SPAG16: variants seen among roughly 807,000 people sequenced by gnomAD.
The protein encoded by SPAG16 is sperm-associated antigen 16 protein.
Under a neutral mutation model 80.4 loss-of-function variants are expected in SPAG16, and 86 were observed. That is an observed-to-expected ratio of 1.07 (90% CI 0.90 to 1.28). The LOEUF (loss-of-function observed/expected upper bound fraction) is 1.28. Among genes scored for constraint, SPAG16 ranks in the 50% most tolerant of loss-of-function variants. SPAG16 has a pLI of 0.00. For synonymous variants in SPAG16, 294 were observed against 265.9 expected (o/e 1.11, Z -1.03); for missense variants, 870 against 765.3 (o/e 1.14, Z -1.61).
intron 9 of SPAG16, among the ~76,000 whole-genome samples, chr2:213,376,691 A>G (rs1054118489): frequency 1.3e-5 from 2 of 152,088 alleles, no homozygotes; most frequent in African/African-American, 4.8e-5. Flanking sequence ...TTTGAATTAT[A>G]TTATTATGTA....
chr2:214,240,620 T>C (rs1263875981), intron 15 of SPAG16: 2 of 152,206 alleles, frequency 1.3e-5, no homozygotes, highest in Admixed American at 1.3e-4. Context: ...CTATAAATTC[T>C]CTAAAGATTC....
At chr2:213,864,043 T>C (rs2075588844) in intron 11 of SPAG16, among the ~76,000 whole-genome samples, 1 of 152,116 alleles carries the variant, frequency 6.6e-6, no homozygotes, top group Non-Finnish European at 1.5e-5. Flanking sequence ...TAGCAAATGT[T>C]CTTTTTGTAG....
intron 14 of SPAG16, among the ~76,000 whole-genome samples, chr2:214,139,552 T>C (rs1451058182): frequency 6.6e-6 from 1 of 152,156 alleles, no homozygotes; most frequent in Non-Finnish European, 1.5e-5. Flanking sequence ...TTAATTCTAA[T>C]ATATTTATTT....
intron 13 of SPAG16, among the ~76,000 whole-genome samples, chr2:214,030,635 C>A (rs961913041): frequency 1.3e-5 from 2 of 152,152 alleles, no homozygotes; most frequent in African/African-American, 2.4e-5. Context: ...TAATTTAAGT[C>A]TATGAGTCTT....
intron 10 of SPAG16, among the ~76,000 whole-genome samples, chr2:213,678,032 G>A (rs2064182564): frequency 6.6e-6 from 1 of 151,918 alleles, no homozygotes; most frequent in South Asian, 2.1e-4. Flanking sequence ...GGTACATAAC[G>A]AAATGAAGGC....
chr2:214,113,514 C>T lies in SPAG16; in HGVS notation c.1593+5253C>T, dbSNP rs113050489. ...TCCCATATTGTTTGGAGACTTTGTT[C>T]GTTTCTTTTTAACTCTTTTTTCTCT... is the stretch of plus-strand genomic sequence containing the variant. On this transcript the variant is annotated intron_variant, in intron 14 of 15. Coordinates refer to ENST00000331683, the MANE Select transcript of SPAG16 (RefSeq NM_024532.5). Among the ~76,000 whole-genome samples, 241 of 152,180 alleles carry T rather than the reference C, an allele frequency of 1.6e-3. 1 individual carries two copies. The highest frequency in any genetic ancestry group is 5.4e-3 in the African/African-American group (223 of 41,536).
At chr2:213,434,827 A>G (rs1367026863) in intron 9 of SPAG16, among the ~76,000 whole-genome samples, 3 of 152,306 alleles carry the variant, frequency 2.0e-5, no homozygotes, top group South Asian at 2.1e-4. Flanking sequence ...GAGGATGCAG[A>G]GAATAGTGAA....
chr2:213,775,691 A>G (rs1188478885), intron 10 of SPAG16, among the ~76,000 whole-genome samples: 1 of 152,140 alleles, frequency 6.6e-6, no homozygotes, highest in East Asian at 1.9e-4. Context: ...GAGTTTGGCT[A>G]TTTTAGATTC....
chr2:213,844,334 C>G (rs1159865898), intron 10 of SPAG16, among the ~76,000 whole-genome samples: 1 of 152,006 alleles, frequency 6.6e-6, no homozygotes, highest in African/African-American at 2.4e-5. Context: ...AGAAAAGTTA[C>G]TGGGAAAATA....
rs57377846 is a variant in SPAG16, at chr2:213,342,343, CAT to C, written c.644+2078_644+2079del. Among the ~76,000 whole-genome samples the C allele has an allele frequency of 3.9e-3, 462 of 117,908 alleles. 3 individuals are homozygous for C. Among genetic ancestry groups the C allele is most frequent in the Non-Finnish European group, 5.9e-3 (348 of 58,530 alleles). 77.4% of individuals were successfully genotyped at this position (117,908 alleles called of 152,430 possible). ...TACATATATGTGTATATATATATTA[CAT>C]ATATGTATATATATATTACATATAT... is the stretch of plus-strand genomic sequence containing the variant. On this transcript the variant is annotated intron_variant, in intron 6 of 15. Transcript: ENST00000331683.
At chr2:213,314,634 T>A (rs1045563928) in intron 4 of SPAG16, among the ~76,000 whole-genome samples, 30 of 151,942 alleles carry the variant, frequency 2.0e-4, no homozygotes, top group African/African-American at 7.2e-4. Context: ...GTAATAAATG[T>A]TGTATTTGGA....
intron 5 of SPAG16, among the ~76,000 whole-genome samples, chr2:213,326,392 A>G (rs1168482525): frequency 1.3e-5 from 2 of 152,076 alleles, no homozygotes; most frequent in Non-Finnish European, 2.9e-5. Context: ...AGAAACAAAC[A>G]CTGTGAAAAT....
intron 15 of SPAG16, among the ~76,000 whole-genome samples, chr2:214,225,058 TAA>T (rs1397762949): frequency 6.6e-6 from 1 of 152,194 alleles, no homozygotes; most frequent in Non-Finnish European, 1.5e-5. Flanking sequence ...AGGTAACATT[TAA>T]GCCATGCATA....
At chr2:213,857,897 G>A (rs534171166) in intron 10 of SPAG16, among the ~76,000 whole-genome samples, 145 of 152,250 alleles carry the variant, frequency 9.5e-4, no homozygotes, top group Non-Finnish European at 1.7e-3. Context: ...AAACTCTCAT[G>A]GATGACTTTG....
intron 13 of SPAG16, among the ~76,000 whole-genome samples, chr2:214,063,631 A>G (rs1307152266): frequency 6.6e-6 from 1 of 152,186 alleles, no homozygotes; most frequent in East Asian, 1.9e-4. Flanking sequence ...TTAGGTTTCA[A>G]CATATGAATT....
At chr2:213,716,009 C>T (rs2066225157) in intron 10 of SPAG16, among the ~76,000 whole-genome samples, 1 of 152,088 alleles carries the variant, frequency 6.6e-6, no homozygotes, top group East Asian at 1.9e-4. Flanking sequence ...ATATTGCCCT[C>T]ATCTATTTGT....
At chr2:214,134,519 C>T (rs1026997897) in intron 14 of SPAG16, among the ~76,000 whole-genome samples, 5 of 152,110 alleles carry the variant, frequency 3.3e-5, no homozygotes, top group South Asian at 2.1e-4. Context: ...ATGCCCGTTC[C>T]GTGAGGCTTG....
intron 10 of SPAG16, among the ~76,000 whole-genome samples, chr2:213,537,531 G>T (rs1226581011): frequency 6.6e-6 from 1 of 151,976 alleles, no homozygotes; most frequent in East Asian, 1.9e-4. Flanking sequence ...CTCTATATAA[G>T]TTCAGTGATA....
intron 7 of SPAG16, among the ~76,000 whole-genome samples, chr2:213,361,439 G>C (rs929685774): frequency 6.6e-6 from 1 of 150,664 alleles, no homozygotes; most frequent in African/African-American, 2.4e-5. Flanking sequence ...TTTTAGGTCT[G>C]TCTGCTTGGA....
Sources: allele counts gnomAD v4.1 joint callset (sites outside exome capture counted in the v4.1 genomes callset), GRCh38; gene constraint gnomAD v4.1.1; transcripts MANE v1.5; gene names NCBI Gene and HGNC (gene_info 2026-07-23, HGNC 2026-07-21).